The following ZNF486 variants were observed in gnomAD, a reference collection of about 807,000 sequenced individuals.
ZNF486 encodes the protein KRAB box only protein 2.
Under a neutral mutation model 12.8 loss-of-function variants are expected in ZNF486, and 12 were observed. The ratio of observed to expected loss-of-function variants is 0.94; its 90% CI spans 0.60 to 1.52. The LOEUF (loss-of-function observed/expected upper bound fraction) is 1.52, where lower values mean the gene tolerates loss of function less well. Ranked by LOEUF, ZNF486 falls within the 40% of genes most tolerant of loss-of-function variation. The pLI is 0.00. For synonymous variants in ZNF486, 231 were observed against 184.9 expected (o/e 1.25, Z -2.02); for missense variants, 738 against 545.0 (o/e 1.35, Z -3.53).
At chr19:20,193,648 G>A (rs539424661) in intron 3 of ZNF486, among the ~76,000 whole-genome samples, 12 of 151,780 alleles carry the variant, frequency 7.9e-5, no homozygotes, top group East Asian at 3.9e-4. Context: ...ACAACAGAGC[G>A]AAACTCCGTC....
intron 1 of ZNF486, among the ~76,000 whole-genome samples, chr19:20,178,914 T>C (rs2089753602): frequency 6.6e-6 from 1 of 152,224 alleles, no homozygotes. Flanking sequence ...AGTAGACATG[T>C]TGACAAGAGA....
chr19:20,184,418 C>T lies in ZNF486; in HGVS notation c.93C>T (p.Asp31=). ...CTCTGGAGGAGTGGCATTGCCTGGA[C>T]ACTGCACAGCAGAATTTATATAGGG... is the stretch of plus-strand genomic sequence containing the variant. ...EFSLEEWHCL[D]TAQQNLYRDV... is the part of the protein sequence containing the mutation. The change falls in exon 2 of 4, where the codon GAC becomes GAT. Residue 31 remains aspartate, a synonymous_variant. Coordinates refer to ENST00000335117, the MANE Select transcript of ZNF486 (RefSeq NM_052852.4). 2 of 1,613,586 alleles carry T rather than the reference C, an allele frequency of 1.2e-6. No homozygotes were observed. The highest frequency in any genetic ancestry group is 8.5e-7 in the Non-Finnish European group (1 of 1,179,754).
At chr19:20,169,155 C>G (rs1337978821) in intron 1 of ZNF486, among the ~76,000 whole-genome samples, 1 of 152,098 alleles carries the variant, frequency 6.6e-6, no homozygotes, top group Non-Finnish European at 1.5e-5. Flanking sequence ...GCTCTTATTA[C>G]CCAGTCTGGA....
In ZNF486 at chr19:20,199,324, C is replaced by A. The variant is rs111492207; in HGVS notation, c.*1222C>A. 6.6e-6 allele frequency: 1 copy of A among 152,148 alleles called. No individual in the cohort carries two copies. The highest frequency in any genetic ancestry group is 1.5e-5 in the Non-Finnish European group (1 of 68,032). 9.4% of individuals were successfully genotyped at this position (152,148 alleles called of 1,614,324 possible). On this transcript the variant is annotated 3_prime_UTR_variant, in exon 4 of 4. Transcript: ENST00000335117. ...CTTGTATTACAGATCTTATTGCCCG[C>A]GTTTTGTATTAGAAGGAAACCCTAA...
At chr19:20,191,199 C>T (rs782264592) in intron 3 of ZNF486, among the ~76,000 whole-genome samples, 3 of 152,228 alleles carry the variant, frequency 2.0e-5, no homozygotes, top group Admixed American at 6.5e-5. Flanking sequence ...TGGCTGGGCA[C>T]GGTGGCTCAT....
chr19:20,197,849 G>A lies in ZNF486; in HGVS notation c.1139G>A (p.Cys380Tyr). 1 of 1,613,362 alleles carries A rather than the reference G, an allele frequency of 6.2e-7. No individual in the cohort carries two copies. Among genetic ancestry groups the A allele is most frequent in the South Asian group, 1.1e-5 (1 of 91,034 alleles). ...IIHTGEKPYK[C>Y]EECGKAFTWS... Reference sequence around the variant, plus strand: ...CATACTGGAGAGAAACCATACAAATGTGAAGAATGTGGCAAAGCCTTTACA... The same window carrying A: ...CATACTGGAGAGAAACCATACAAATATGAAGAATGTGGCAAAGCCTTTACA... Residue 380 changes from cysteine (C) to tyrosine (Y), a missense_variant, in exon 4 of 4, where the codon TGT becomes TAT. By Grantham distance (194) the Cys-to-Tyr change is radical. Coordinates refer to ENST00000335117, the MANE Select transcript of ZNF486 (RefSeq NM_052852.4).
intron 1 of ZNF486, among the ~76,000 whole-genome samples, chr19:20,167,580 G>T (rs1053578743): frequency 3.4e-4 from 51 of 152,158 alleles, no homozygotes; most frequent in Non-Finnish European, 1.3e-4. Flanking sequence ...CCGTGCCCTG[G>T]CCTGGCGCCC....
At chr19:20,172,584 C>A (rs957448588) in intron 1 of ZNF486, among the ~76,000 whole-genome samples, 1 of 151,390 alleles carries the variant, frequency 6.6e-6, no homozygotes, top group Non-Finnish European at 1.5e-5. Context: ...CATGCATGAG[C>A]CACCATGCCC....
intron 1 of ZNF486, among the ~76,000 whole-genome samples, chr19:20,178,435 G>A (rs1452194954): frequency 6.6e-6 from 1 of 151,890 alleles, no homozygotes; most frequent in East Asian, 1.9e-4. Context: ...AGTAGAGATG[G>A]GGTTTCACTG....
chr19:20,181,374 C>T (rs2089783376), intron 1 of ZNF486, among the ~76,000 whole-genome samples: 2 of 152,138 alleles, frequency 1.3e-5, no homozygotes, highest in South Asian at 4.1e-4. Context: ...CCCACCTCTA[C>T]TAAGAATACA....
In ZNF486 at chr19:20,197,453, A is replaced by ACCG. The variant is rs782752343; in HGVS notation, c.743_744insCCG (p.Lys248delinsAsnArg). ...TGTGAAGAATGTGGCAAAGTCTTTA[A>ACCG]GTACTTCTCTAGCTTTACTACACAT... On this transcript the variant is annotated protein_altering_variant, in exon 4 of 4. Transcript: ENST00000335117. 6.2e-7 allele frequency: 1 copy of ACCG among 1,611,834 alleles called. No individual in the cohort carries two copies. Among genetic ancestry groups the ACCG allele is most frequent in the Admixed American group, 1.7e-5 (1 of 59,660 alleles).
intron 3 of ZNF486, among the ~76,000 whole-genome samples, chr19:20,192,443 T>C (rs1254618807): frequency 2.6e-5 from 4 of 152,184 alleles, no homozygotes; most frequent in Non-Finnish European, 5.9e-5. Context: ...GTAGCTGGGA[T>C]TACAGGCACC....
intron 1 of ZNF486, among the ~76,000 whole-genome samples, chr19:20,169,561 A>G (rs192641262): frequency 6.6e-6 from 1 of 152,202 alleles, no homozygotes; most frequent in African/African-American, 2.4e-5. Context: ...GTTAAGATTA[A>G]GGTGAAAGGA....
At chr19:20,180,904 T>A (rs1555715438) in intron 1 of ZNF486, among the ~76,000 whole-genome samples, 1 of 152,118 alleles carries the variant, frequency 6.6e-6, no homozygotes, top group Non-Finnish European at 1.5e-5. Flanking sequence ...CCTTAAGGGA[T>A]TTGTTTAAAT....
intron 3 of ZNF486, among the ~76,000 whole-genome samples, chr19:20,190,270 CAG>C (rs1426550555): frequency 1.3e-5 from 2 of 152,210 alleles, no homozygotes; most frequent in Non-Finnish European, 2.9e-5. Context: ...TATGTTGAAT[CAG>C]AGTGTTTTAT....
At chr19:20,196,704 C>T (rs954099932) in intron 3 of ZNF486, among the ~76,000 whole-genome samples, 43 of 150,872 alleles carry the variant, frequency 2.9e-4, no homozygotes, top group African/African-American at 1.0e-3. Context: ...ACAGAATTTT[C>T]TTTATCTTCT....
chr19:20,191,276 C>A (rs1329127876), intron 3 of ZNF486, among the ~76,000 whole-genome samples: 2 of 151,420 alleles, frequency 1.3e-5, no homozygotes, highest in Non-Finnish European at 2.9e-5. Flanking sequence ...TCGAGACCAT[C>A]CTGGCTAACA....
intron 3 of ZNF486, among the ~76,000 whole-genome samples, chr19:20,188,124 G>A (rs566286804): frequency 3.3e-5 from 5 of 152,188 alleles, no homozygotes; most frequent in South Asian, 4.1e-4. Context: ...GAGTATCAGA[G>A]AGCATTCCCT....
intron 1 of ZNF486, among the ~76,000 whole-genome samples, chr19:20,181,365 C>A (rs1387869448): frequency 6.6e-6 from 1 of 152,010 alleles, no homozygotes; most frequent in East Asian, 1.9e-4. Context: ...CGGTGAAACC[C>A]CACCTCTACT....
Sources: allele counts gnomAD v4.1 joint callset (sites outside exome capture counted in the v4.1 genomes callset), GRCh38; gene constraint gnomAD v4.1.1; transcripts MANE v1.5; gene names NCBI Gene and HGNC (gene_info 2026-07-23, HGNC 2026-07-21).